The following SPTAN1 variants were observed in gnomAD, a reference collection of about 807,000 sequenced individuals.
SPTAN1 encodes spectrin alpha chain, non-erythrocytic 1.
A neutral mutation model predicts 331.3 loss-of-function variants in SPTAN1; 61 were observed. The observed-to-expected ratio is 0.18, with a 90% CI of 0.15 to 0.23. The LOEUF is 0.23. Among genes scored for constraint, SPTAN1 ranks in the 10% least tolerant of loss-of-function variants. The pLI is 1.00. For missense variants in SPTAN1, 2,043 were observed against 3,147.9 expected (o/e 0.65, Z 8.40); for synonymous variants, 1,153 against 1,173.9 (o/e 0.98, Z 0.36).
At chr9:128,573,014 A>C (rs1850907134) in intron 3 of SPTAN1, among the ~76,000 whole-genome samples, 1 of 152,152 alleles carries the variant, frequency 6.6e-6, no homozygotes, top group Non-Finnish European at 1.5e-5. Context: ...ACCCATGTTG[A>C]CTGTCACATG....
chr9:128,618,166 A>C, intron 43 of SPTAN1, 58 bp downstream of exon 43: 1 of 1,608,972 alleles, frequency 6.2e-7, no homozygotes, highest in East Asian at 2.2e-5. Context: ...ACCCAAGGGC[A>C]GACTCTGAGC....
In SPTAN1 at chr9:128,566,720, C is replaced by T. The variant is rs368470565; in HGVS notation, c.-3-18C>T. 2.7e-5 allele frequency: 43 copies of T among 1,613,890 alleles called. No homozygotes were observed. The Admixed American group carries it at 4.8e-4, about 18-fold the overall frequency. ...TGGTGCCTATTGGTACTTATCTCAG[C>T]GCATTTTGTCATTTCAGAAAATGGA... On this transcript the variant is annotated intron_variant, in intron 1 of 56. Transcript: ENST00000372739.
chr9:128,606,107 C>T (rs1276929082), intron 31 of SPTAN1, among the ~76,000 whole-genome samples: 1 of 152,018 alleles, frequency 6.6e-6, no homozygotes, highest in Non-Finnish European at 1.5e-5. Flanking sequence ...CACGGTGGCT[C>T]ACGCCTGTAA....
intron 1 of SPTAN1, chr9:128,555,317 T>G: frequency 7.8e-7 from 1 of 1,279,508 alleles, no homozygotes; most frequent in African/African-American, 1.5e-5. Flanking sequence ...CCTTAGAAGC[T>G]TGTTATCTTG....
At position 128,581,869 on chromosome 9, in the gene SPTAN1, A is replaced by C; in HGVS notation, c.1549A>C (p.Ser517Arg). The C allele has an allele frequency of 6.2e-7, 1 of 1,613,568 alleles. No homozygotes were observed. The highest frequency in any genetic ancestry group is 1.1e-5 in the South Asian group (1 of 91,068). The part of the protein sequence containing the change: ...KKHEDFEKSL[S>R]AQEEKITALD... ...GCACGAAGACTTTGAGAAATCCCTT[A>C]GTGCCCAGGAGGAAAAGATTACAGT... The change falls in exon 12 of 57, where the codon AGT (serine) becomes CGT (arginine). Residue 517 changes from serine to arginine, a missense_variant. Ser to Arg is a moderately radical substitution (Grantham distance 110, BLOSUM62 -1). Around this residue, in one of 12 missense-constraint regions of SPTAN1, gnomAD observed 1,038 missense variants for 1,531.5 expected, o/e 0.68. Transcript: ENST00000372739.
rs542266768 is a variant in SPTAN1, at chr9:128,606,082, G to T, written c.4046+605G>T. ...CTGAATGCCATATTGTTAAAAATAA[G>T]TCTCTGCAGCCGGGCACGGTGGCTC... is the stretch of plus-strand genomic sequence containing the variant. On this transcript the variant is annotated intron_variant, in intron 31 of 56. Transcript: ENST00000372739. Among the ~76,000 whole-genome samples, 67 of 151,764 alleles carry T rather than the reference G, an allele frequency of 4.4e-4. 2 individuals are homozygous for T. Among genetic ancestry groups the T allele is most frequent in the African/African-American group, 1.5e-3 (61 of 41,444 alleles).
At chr9:128,601,613 CATT>C (rs1277053991) in intron 27 of SPTAN1, among the ~76,000 whole-genome samples, 1 of 152,060 alleles carries the variant, frequency 6.6e-6, no homozygotes, top group African/African-American at 2.4e-5. Context: ...GCCTTCTCCT[CATT>C]AGTACAGTGG....
At chr9:128,608,671 AGT>A (rs1290286968) in intron 34 of SPTAN1, among the ~76,000 whole-genome samples, 2 of 152,218 alleles carry the variant, frequency 1.3e-5, no homozygotes, top group African/African-American at 4.8e-5. Flanking sequence ...AGACTTCTTG[AGT>A]TAAACTCTAC....
At position 128,624,348 on chromosome 9, in the gene SPTAN1, C is replaced by T. The variant is rs776448694; in HGVS notation, c.5853C>T (p.Asn1951=). The T allele has an allele frequency of 1.4e-5, 22 of 1,613,848 alleles. No homozygotes were observed. Among genetic ancestry groups the T allele is most frequent in the Middle Eastern group, 3.3e-4 (2 of 6,080 alleles). ...CCTAGAACAATCACCATGAGGAGAA[C>T]ATCTCTTCAAAGATGAAGGGCCTGA... ...LIKKNNHHEE[N]ISSKMKGLNG... The change falls in exon 46 of 57, where the codon AAC becomes AAT. Residue 1951 remains asparagine (N), a synonymous_variant. Coordinates refer to ENST00000372739, the MANE Select transcript of SPTAN1 (RefSeq NM_001130438.3).
chr9:128,584,586 A>AGG, intron 17 of SPTAN1, 61 bp downstream of exon 17: 1 of 1,614,042 alleles, frequency 6.2e-7, no homozygotes, highest in Non-Finnish European at 8.5e-7. Flanking sequence ...TGTAGCATAA[A>AGG]GGGGATGCAT....
chr9:128,625,230 AGATGACTGGTGGCGTCTTTCACT>A lies in SPTAN1; in HGVS notation c.6069+54_6069+76del, dbSNP rs1858551657. Reference sequence around the variant, plus strand: ...GAAATGTATGCAGATAGCATCTGTGAGATGACTGGTGGCGTCTTTCACTGAGGCATTTATCTTCTGTTAGCCCC... The same window carrying A: ...GAAATGTATGCAGATAGCATCTGTGAGAGGCATTTATCTTCTGTTAGCCCC... On this transcript the variant is annotated intron_variant, in intron 47 of 56. Transcript: ENST00000372739. This position sits in a 1 kb window ranked among gnomAD's most constrained non-coding sequence, Gnocchi z 4.1. The A allele has an allele frequency of 6.4e-7, 1 of 1,572,070 alleles. No homozygotes were observed. The highest frequency in any genetic ancestry group is 8.8e-7 in the Non-Finnish European group (1 of 1,142,398).
Position 128,582,720 on chromosome 9 carries a change from C to A in SPTAN1, c.1677C>A (p.His559Gln). 1 of 1,613,864 alleles carries A rather than the reference C, an allele frequency of 6.2e-7. No homozygotes were observed. The highest frequency in any genetic ancestry group is 8.5e-7 in the Non-Finnish European group (1 of 1,180,032). ...TGTTGAGCCGCCGCAATGCCCTTCA[C>A]GAGAGAGCCATGCGTCGCCGGGCCC... ...DALLSRRNAL[H>Q]ERAMRRRAQL... The change falls in exon 14 of 57, where the codon CAC (histidine) becomes CAA (glutamine). Residue 559 changes from histidine (H) to glutamine (Q), a missense_variant. Physicochemically the swap from His to Gln is conservative, Grantham distance 24. This residue lies in a region of SPTAN1 where 1,038 missense variants were observed against 1,531.5 expected (regional missense o/e 0.68). Transcript: ENST00000372739.
chr9:128,576,963 A>G lies in SPTAN1; in HGVS notation c.785+7A>G, dbSNP rs374485499. On this transcript the variant is annotated splice_region_variant and intron_variant, in intron 6 of 56. Coordinates refer to ENST00000372739, the MANE Select transcript of SPTAN1 (RefSeq NM_001130438.3). The stretch of plus-strand genomic sequence containing the variant: ...AAGTTCAGCGCTTTAACAGGTGTCA[A>G]GCCAGAGTGGGCTTTGGGGAATGGG... 6.2e-7 allele frequency: 1 copy of G among 1,614,000 alleles called. No homozygotes were observed. The highest frequency in any genetic ancestry group is 8.5e-7 in the Non-Finnish European group (1 of 1,180,036).
intron 2 of SPTAN1, among the ~76,000 whole-genome samples, chr9:128,567,909 C>T (rs570986219): frequency 1.2e-4 from 18 of 152,012 alleles, no homozygotes; most frequent in East Asian, 7.8e-4. Context: ...TGTAGGCACG[C>T]GACACCACGC....
chr9:128,578,789 A>G (rs980168198), intron 9 of SPTAN1, among the ~76,000 whole-genome samples: 2 of 148,130 alleles, frequency 1.4e-5, no homozygotes, highest in Non-Finnish European at 3.0e-5. Context: ...AGATCACACC[A>G]TTCCACTCCC....
intron 21 of SPTAN1, among the ~76,000 whole-genome samples, 181 bp downstream of exon 21, chr9:128,589,124 T>G (rs1030326423): frequency 4.6e-5 from 7 of 152,158 alleles, no homozygotes; most frequent in East Asian, 1.9e-4. Context: ...GACCAAGAAG[T>G]TAATCTGTCT....
In SPTAN1 at chr9:128,583,791, T is replaced by C. The variant is rs1852234825; in HGVS notation, c.2015T>C (p.Ile672Thr). 6.2e-7 allele frequency: 1 copy of C among 1,614,104 alleles called. No homozygotes were observed. Reference sequence around the variant, plus strand: ...TTAAACTTGTTTTCTTCCATAGGAATAAAGCTTCGTGAAGCCAACCAGCAA... The same window carrying C: ...TTAAACTTGTTTTCTTCCATAGGAACAAAGCTTCGTGAAGCCAACCAGCAA... Reference protein sequence around the residue: ...KLLEATELKGIKLREANQQQQ... With the variant: ...KLLEATELKGTKLREANQQQQ... The change falls in exon 16 of 57, where the codon ATA becomes ACA. Residue 672 changes from isoleucine (I) to threonine (T), a missense_variant. Physicochemically the swap from Ile to Thr is moderately conservative, Grantham distance 89. This residue lies in a region of SPTAN1 where 1,038 missense variants were observed against 1,531.5 expected (regional missense o/e 0.68). Coordinates refer to ENST00000372739, the MANE Select transcript of SPTAN1 (RefSeq NM_001130438.3).
intron 21 of SPTAN1, among the ~76,000 whole-genome samples, chr9:128,590,554 G>GAAA (rs1384237884): frequency 4.5e-5 from 6 of 133,902 alleles, no homozygotes; most frequent in African/African-American, 1.7e-4. Context: ...TATTAAAAAA[G>GAAA]AAAAAAAAAA....
In SPTAN1 at chr9:128,607,597, T is replaced by A; in HGVS notation, c.4047-7T>A. 6.2e-7 allele frequency: 1 copy of A among 1,613,248 alleles called. No homozygotes were observed. Among genetic ancestry groups the A allele is most frequent in the Non-Finnish European group, 8.5e-7 (1 of 1,179,228 alleles). ...AATAGCTATTTTTCTGGGGTGCTGG[T>A]TTCCAGGGACCTCATGTCTTGGATC... On this transcript the variant is annotated splice_region_variant and splice_polypyrimidine_tract_variant and intron_variant, in intron 31 of 56. Coordinates refer to ENST00000372739, the MANE Select transcript of SPTAN1 (RefSeq NM_001130438.3).
Sources: allele counts gnomAD v4.1 joint callset (sites outside exome capture counted in the v4.1 genomes callset), GRCh38; gene constraint gnomAD v4.1.1; regional missense constraint gnomAD v4.1.1; non-coding constraint Gnocchi (gnomAD v3.1); transcripts MANE v1.5; gene names NCBI Gene and HGNC (gene_info 2026-07-23, HGNC 2026-07-21).